CACNA1C: variants seen among roughly 807,000 people sequenced by gnomAD.
CACNA1C encodes calcium voltage-gated channel subunit alpha1 C.
Under a neutral mutation model 229.0 loss-of-function variants are expected in CACNA1C, and 30 were observed. The observed-to-expected ratio is 0.13, with a 90% CI of 0.10 to 0.18. CACNA1C has a LOEUF of 0.18. Among genes scored for constraint, CACNA1C ranks in the 10% least tolerant of loss-of-function variants. CACNA1C has a pLI of 1.00. For synonymous variants in CACNA1C, 1,114 were observed against 1,132.5 expected (o/e 0.98, Z 0.33); for missense variants, 1,658 against 2,845.0 (o/e 0.58, Z 9.49).
intron 3 of CACNA1C, among the ~76,000 whole-genome samples, chr12:2,280,596 G>A (rs1187959645): frequency 3.1e-5 from 1 of 32,592 alleles, no homozygotes; most frequent in African/African-American, 1.4e-4. Flanking sequence ...GCTGTGCTTC[G>A]GTTTAACCTC....
chr12:2,512,394 C>G lies in CACNA1C; in HGVS notation c.1218-418C>G, dbSNP rs2099786529. ...TGGAGACCCTTGGGAGAATTTTAAACTACCACTCAATACTGGGTGGGATGG... is the reference window on the plus strand; with the variant it reads ...TGGAGACCCTTGGGAGAATTTTAAAGTACCACTCAATACTGGGTGGGATGG... On this transcript the variant is annotated intron_variant, in intron 8 of 46. Transcript: ENST00000399655. The surrounding 1 kb of genome is among the most constrained non-coding windows in gnomAD (Gnocchi z 4.3). 6.6e-6 allele frequency among the ~76,000 whole-genome samples: 1 copy of G among 152,190 alleles called. No individual in the cohort carries two copies. Among genetic ancestry groups the G allele is most frequent in the South Asian group, 2.1e-4 (1 of 4,822 alleles).
At chr12:2,284,293 A>ATTTTT (rs35238168) in intron 3 of CACNA1C, among the ~76,000 whole-genome samples, 12 of 139,854 alleles carry the variant, frequency 8.6e-5, no homozygotes, top group East Asian at 4.2e-4. Flanking sequence ...AGACCTCTAG[A>ATTTTT]TTTTTTTTTT....
chr12:2,600,939 A>G (rs1407877819), intron 21 of CACNA1C, among the ~76,000 whole-genome samples: 1 of 152,192 alleles, frequency 6.6e-6, no homozygotes, highest in Non-Finnish European at 1.5e-5. Context: ...ACAACCCTGT[A>G]GGGTAGACCT....
intron 1 of CACNA1C, among the ~76,000 whole-genome samples, chr12:2,097,942 A>G (rs1444611416): frequency 2.6e-5 from 4 of 152,194 alleles, no homozygotes; most frequent in Admixed American, 2.0e-4. Flanking sequence ...GTCTGGACCA[A>G]TGAGTTCTAG....
intron 3 of CACNA1C, among the ~76,000 whole-genome samples, chr12:2,326,685 C>T (rs374643394): frequency 7.2e-5 from 11 of 152,306 alleles, no homozygotes; most frequent in African/African-American, 2.6e-4. Flanking sequence ...CCTTGAGGGC[C>T]CAGCCTGTAT....
chr12:2,560,812 T>G (rs1258443972), intron 11 of CACNA1C, among the ~76,000 whole-genome samples: 1 of 142,108 alleles, frequency 7.0e-6, no homozygotes, highest in Non-Finnish European at 1.5e-5. Context: ...AGAATTAAAC[T>G]TAATGATTTT....
At chr12:2,629,959 A>C (rs755764796) in intron 29 of CACNA1C, among the ~76,000 whole-genome samples, 7 of 152,212 alleles carry the variant, frequency 4.6e-5, no homozygotes, top group Non-Finnish European at 8.8e-5. Context: ...GGCCCATCTT[A>C]TGAACACATC....
intron 30 of CACNA1C, among the ~76,000 whole-genome samples, chr12:2,637,033 C>T (rs945795028): frequency 4.6e-5 from 7 of 152,226 alleles, no homozygotes; most frequent in African/African-American, 1.2e-4. Flanking sequence ...TCCCACACAA[C>T]TGATGGCTTC....
At chr12:2,592,387 C>T (rs1200751310) in intron 18 of CACNA1C, among the ~76,000 whole-genome samples, 1 of 152,308 alleles carries the variant, frequency 6.6e-6, no homozygotes, top group Non-Finnish European at 1.5e-5. Context: ...CAATAAAATG[C>T]CCACGGCTAG....
intron 3 of CACNA1C, among the ~76,000 whole-genome samples, chr12:2,177,776 A>G (rs2096714022): frequency 6.6e-6 from 1 of 151,996 alleles, no homozygotes; most frequent in African/African-American, 2.4e-5. Context: ...AGCTGGGATT[A>G]TAGGCTTCTG....
At chr12:2,186,379 C>A (rs2097007400) in intron 3 of CACNA1C, among the ~76,000 whole-genome samples, 1 of 152,180 alleles carries the variant, frequency 6.6e-6, no homozygotes, top group African/African-American at 2.4e-5. Flanking sequence ...GCCACCTCTG[C>A]ATCCTCCTAG....
At chr12:2,107,338 G>C (rs562035555) in intron 1 of CACNA1C, among the ~76,000 whole-genome samples, 240 of 58,728 alleles carry the variant, frequency 4.1e-3, no homozygotes, top group Middle Eastern at 0.028. Context: ...GCTGGGGTGT[G>C]CTGAAACCAC....
At chr12:2,590,147 C>T (rs61907961) in intron 18 of CACNA1C, among the ~76,000 whole-genome samples, 4 of 152,300 alleles carry the variant, frequency 2.6e-5, no homozygotes, top group Middle Eastern at 6.8e-3. Context: ...TCTGTAGGCA[C>T]TAGATCCTAC....
chr12:2,413,326 C>G (rs2098829445), intron 3 of CACNA1C, among the ~76,000 whole-genome samples: 1 of 152,212 alleles, frequency 6.6e-6, no homozygotes, highest in Non-Finnish European at 1.5e-5. Flanking sequence ...CTACCCAATG[C>G]TTTTTGAATG....
At chr12:2,286,275 CATT>C (rs2092660314) in intron 3 of CACNA1C, among the ~76,000 whole-genome samples, 1 of 152,172 alleles carries the variant, frequency 6.6e-6, no homozygotes, top group East Asian at 1.9e-4. Context: ...TGGTTGTTTG[CATT>C]AAAAGGGAGT....
chr12:2,496,675 T>C (rs775627360), intron 7 of CACNA1C, among the ~76,000 whole-genome samples: 1 of 152,250 alleles, frequency 6.6e-6, no homozygotes, highest in Non-Finnish European at 1.5e-5. Context: ...ACTTGAACAT[T>C]GCTTCAGCTA....
At chr12:2,592,307 C>T (rs981262465) in intron 18 of CACNA1C, among the ~76,000 whole-genome samples, 2 of 152,150 alleles carry the variant, frequency 1.3e-5, no homozygotes, top group Admixed American at 6.5e-5. Context: ...TGCCAGGCAC[C>T]GTTCTGAGGT....
chr12:2,392,941 C>T (rs926561520), intron 3 of CACNA1C, among the ~76,000 whole-genome samples: 2 of 152,110 alleles, frequency 1.3e-5, no homozygotes, highest in East Asian at 1.9e-4. Context: ...TCCTTGTGTC[C>T]GTAAGAACCC....
chr12:2,156,340 G>A (rs1344920321), intron 3 of CACNA1C, among the ~76,000 whole-genome samples: 2 of 152,158 alleles, frequency 1.3e-5, no homozygotes, highest in Admixed American at 1.3e-4. Context: ...AAAGCTAGTA[G>A]CGTAAAAATT....
Sources: allele counts gnomAD v4.1 joint callset (sites outside exome capture counted in the v4.1 genomes callset), GRCh38; gene constraint gnomAD v4.1.1; non-coding constraint Gnocchi (gnomAD v3.1); transcripts MANE v1.5; gene names NCBI Gene and HGNC (gene_info 2026-07-23, HGNC 2026-07-21).